DPH7: variants seen among roughly 807,000 people sequenced by gnomAD.
DPH7 encodes diphthamide biosynthesis 7, also known as diphthine methyltransferase.
DPH7 carries 44 observed loss-of-function variants against 41.7 expected under a neutral mutation model. That is an observed-to-expected ratio of 1.05 (90% CI 0.83 to 1.36). DPH7 has a LOEUF of 1.36. DPH7 is among the 40% of genes most tolerant of loss of function. The pLI, the probability that DPH7 is intolerant of heterozygous loss-of-function variation, is 0.00. For missense variants in DPH7, 629 were observed against 577.5 expected, an observed-to-expected ratio of 1.09 and a Z score of -0.91; for synonymous variants, 275 against 238.0, an observed-to-expected ratio of 1.16 and a Z score of -1.43.
chr9:137,559,186 A>C (rs945646953), intron 8 of DPH7, among the ~76,000 whole-genome samples: 1 of 152,210 alleles, frequency 6.6e-6, no homozygotes, highest in Non-Finnish European at 1.5e-5. Flanking sequence ...TAACCTAGGA[A>C]AAACCAGGCC....
intron 3 of DPH7, 107 bp downstream of exon 3, chr9:137,575,973 A>G: frequency 6.3e-7 from 1 of 1,575,552 alleles, no homozygotes; most frequent in Non-Finnish European, 8.6e-7. Flanking sequence ...ATAGCTCACC[A>G]TTGAAGAGAG....
chr9:137,574,876 A>G (rs752772356), intron 3 of DPH7, 33 bp from the exon 4 acceptor site: 1 of 1,612,172 alleles, frequency 6.2e-7, no homozygotes, highest in South Asian at 1.1e-5. Flanking sequence ...ATCAAAGGGA[A>G]GTAGCCGCCC....
chr9:137,573,682 CAAAAAAAAAAAAA>C (rs61028786), intron 5 of DPH7, among the ~76,000 whole-genome samples: 6 of 25,944 alleles, frequency 2.3e-4, no homozygotes, highest in Admixed American at 4.9e-4. Flanking sequence ...GACTCTGTCT[CAAAAAAAAAAAAA>C]AAAAAAAAAA....
intron 2 of DPH7, chr9:137,576,418 A>G (rs1467473342): frequency 2.0e-6 from 1 of 508,244 alleles, no homozygotes; most frequent in African/African-American, 1.9e-5. Context: ...CATAGAAAAG[A>G]TACAGTAAGA....
At chr9:137,560,059 A>T (rs1838249275) in intron 8 of DPH7, among the ~76,000 whole-genome samples, 1 of 152,240 alleles carries the variant, frequency 6.6e-6, no homozygotes, top group South Asian at 2.1e-4. Context: ...TTTTTACAAA[A>T]GCAGTTAAAA....
In DPH7 at chr9:137,564,488, G is replaced by A; in HGVS notation, c.895C>T (p.Leu299=). The part of the protein sequence containing the change: ...KWHPFHHHLL[L]AACMHSGFKI... ...AAGCCACTGTGCATGCAGGCGGCCA[G>A]GAGCAGGTGGTGGTGGAAAGGGTGC... The change falls in exon 8 of 9, where the codon CTG becomes TTG. Residue 299 remains leucine, a synonymous_variant. Coordinates refer to ENST00000277540, the MANE Select transcript of DPH7 (RefSeq NM_138778.5). The A allele has an allele frequency of 1.2e-6, 2 of 1,614,170 alleles. No individual in the cohort carries two copies. The highest frequency in any genetic ancestry group is 1.7e-6 in the Non-Finnish European group (2 of 1,180,030).
chr9:137,574,114 C>T lies in DPH7; in HGVS notation c.640+94G>A, dbSNP rs58911984. ...AAAGGTCTTCAAGATCCCAACATAA[C>T]TGGAATCACAGCTGTGGCACAGGCC... On this transcript the variant is annotated intron_variant, in intron 5 of 8. Transcript: ENST00000277540. 4 of 1,312,934 alleles carry T rather than the reference C, an allele frequency of 3.0e-6. No individual in the cohort carries two copies. The African/African-American group carries it at 4.4e-5, about 14-fold the overall frequency. The allele number at this position is 1,312,934 out of a possible 1,614,324, so 81.3% of individuals were successfully genotyped here.
chr9:137,561,272 C>A (rs1838531209), intron 8 of DPH7, among the ~76,000 whole-genome samples: 1 of 152,118 alleles, frequency 6.6e-6, no homozygotes, highest in South Asian at 2.1e-4. Context: ...AATGTGGCAT[C>A]ATAGGCCCTT....
In DPH7 at chr9:137,555,017, T is replaced by TC. The variant is rs1837219219; in HGVS notation, c.*221dup. The TC allele has an allele frequency of 8.8e-6, 4 of 454,568 alleles. No homozygotes were observed. Among genetic ancestry groups the TC allele is most frequent in the African/African-American group, 2.0e-5 (1 of 49,828 alleles). 28.2% of individuals were successfully genotyped at this position (454,568 alleles called of 1,614,324 possible). On this transcript the variant is annotated 3_prime_UTR_variant, in exon 9 of 9. Coordinates refer to ENST00000277540, the MANE Select transcript of DPH7 (RefSeq NM_138778.5). The stretch of plus-strand genomic sequence containing the variant: ...TCTGCAAGCTGGAAACCGCGTCTTT[T>TC]CCCCACTCTCTGCCAGACAGAATCA...
intron 4 of DPH7, 59 bp downstream of exon 4, chr9:137,574,692 GA>G: frequency 6.5e-7 from 1 of 1,547,338 alleles, no homozygotes; most frequent in Non-Finnish European, 8.9e-7. Context: ...CCTCTAGCCT[GA>G]AAAGTGGAAG....
At chr9:137,561,705 G>C (rs1456254729) in intron 8 of DPH7, among the ~76,000 whole-genome samples, 2 of 152,032 alleles carry the variant, frequency 1.3e-5, no homozygotes, top group African/African-American at 4.8e-5. Flanking sequence ...TAGATTTAAA[G>C]ACAGACACTT....
chr9:137,556,724 G>A lies in DPH7; in HGVS notation c.950-1076C>T, dbSNP rs1237291719. The A allele has an allele frequency of 4.6e-6, 2 of 438,734 alleles. No homozygotes were observed. The highest frequency in any genetic ancestry group is 1.4e-4 in the East Asian group (2 of 14,190). 27.2% of individuals were successfully genotyped at this position (438,734 alleles called of 1,614,324 possible). On this transcript the variant is annotated intron_variant, in intron 8 of 8. Transcript: ENST00000277540. This position sits in a 1 kb window ranked among gnomAD's most constrained non-coding sequence, Gnocchi z 5.2. ...GGGAGGCCGTTACTGTCCCTTGGGA[G>A]GTAGCGTCACAGGGCAGGCAGGACC... is the stretch of plus-strand genomic sequence containing the variant.
Position 137,577,739 on chromosome 9 carries a change from G to C in DPH7, c.154-136C>G, listed in dbSNP as rs1841672288. On this transcript the variant is annotated intron_variant, in intron 1 of 8. Transcript: ENST00000277540. ...ATTCTGCCTGGAAGGAGAACCTCTG[G>C]TTTTCTGAGCTGGAGAAACGTCTAT... The C allele has an allele frequency of 1.9e-5, 23 of 1,187,400 alleles. No individual in the cohort carries two copies. The East Asian group carries it at 5.4e-4, about 28-fold the overall frequency. The allele number at this position is 1,187,400 out of a possible 1,614,324, so 73.6% of individuals were successfully genotyped here.
chr9:137,578,507 T>C (rs1841841439), intron 1 of DPH7, 118 bp downstream of exon 1: 3 of 1,180,954 alleles, frequency 2.5e-6, no homozygotes, highest in Non-Finnish European at 3.4e-6. Flanking sequence ...GTTTCCAGCC[T>C]ACCTCCTGGC....
intron 8 of DPH7, among the ~76,000 whole-genome samples, chr9:137,559,796 T>C (rs909643585): frequency 3.3e-5 from 5 of 152,218 alleles, no homozygotes; most frequent in Non-Finnish European, 7.3e-5. Flanking sequence ...CCTGCCCCTT[T>C]TGCTTTGTAT....
intron 2 of DPH7, among the ~76,000 whole-genome samples, chr9:137,576,704 A>G (rs1180081421): frequency 1.3e-5 from 2 of 152,156 alleles, no homozygotes; most frequent in African/African-American, 2.4e-5. Context: ...TCCTAATAAC[A>G]TGGTGAAACC....
At chr9:137,559,085 T>C (rs1252807804) in intron 8 of DPH7, among the ~76,000 whole-genome samples, 2 of 152,240 alleles carry the variant, frequency 1.3e-5, no homozygotes, top group South Asian at 2.1e-4. Flanking sequence ...ATATAGATCT[T>C]AGATAATGAT....
chr9:137,569,804 C>T (rs1411242368), intron 5 of DPH7, among the ~76,000 whole-genome samples: 5 of 149,294 alleles, frequency 3.3e-5, no homozygotes, highest in Non-Finnish European at 5.9e-5. Flanking sequence ...ATCCACGCCA[C>T]CACCACCACC....
At chr9:137,562,842 C>T (rs1158792732) in intron 8 of DPH7, among the ~76,000 whole-genome samples, 4 of 152,208 alleles carry the variant, frequency 2.6e-5, no homozygotes, top group African/African-American at 9.6e-5. Flanking sequence ...TGGCACAAGC[C>T]TGTGATCCCA....
Sources: gnomAD v4.1 joint callset for allele counts (sites outside exome capture counted in the v4.1 genomes callset) on GRCh38, gnomAD v4.1.1 for gene constraint, Gnocchi (gnomAD v3.1) non-coding constraint, MANE v1.5 for transcripts, NCBI Gene and HGNC (gene_info 2026-07-23, HGNC 2026-07-21) for gene names.